TENM3: variants seen among roughly 807,000 people sequenced by gnomAD.
TENM3 encodes the protein teneurin-3.
Under a neutral mutation model 255.1 loss-of-function variants are expected in TENM3, and 63 were observed. The ratio of observed to expected loss-of-function variants is 0.25; its 90% CI spans 0.20 to 0.30. The LOEUF is 0.30. Ranked by LOEUF, TENM3 falls within the 10% of genes least tolerant of loss-of-function variation. The pLI is 1.00. For missense variants in TENM3, 2,929 were observed against 3,461.1 expected (o/e 0.85, Z 3.86); for synonymous variants, 1,306 against 1,322.3 (o/e 0.99, Z 0.27).
intron 3 of TENM3, among the ~76,000 whole-genome samples, chr4:182,567,754 T>A (rs1395406151): frequency 1.3e-5 from 2 of 150,084 alleles, no homozygotes; most frequent in Admixed American, 6.6e-5. Flanking sequence ...ATTTTTTTTT[T>A]ATATAAAACA....
the TENM3 span, among the ~76,000 whole-genome samples, chr4:181,953,257 A>G: frequency 2.8e-5 from 2 of 70,910 alleles, no homozygotes; most frequent in South Asian, 1.1e-3. Context: ...GATGATGGCC[A>G]CCACCACCAC....
intron 13 of TENM3, among the ~76,000 whole-genome samples, chr4:182,719,214 A>T (rs1307817779): frequency 6.6e-6 from 1 of 150,940 alleles, no homozygotes; most frequent in Non-Finnish European, 1.5e-5. Flanking sequence ...TGCCAAGAAT[A>T]ATACATATTA....
Position 182,799,785 on chromosome 4 carries a change from A to G in TENM3, c.7534A>G (p.Asn2512Asp), listed in dbSNP as rs777307479. 6.3e-7 allele frequency: 1 copy of G among 1,599,312 alleles called. No homozygotes were observed. Among genetic ancestry groups the G allele is most frequent in the East Asian group, 2.3e-5 (1 of 44,012 alleles). The change falls in exon 28 of 28, where the codon AAC (asparagine) becomes GAC (aspartate). Residue 2512 changes from asparagine (N) to aspartate (D), a missense_variant. Around this residue, in one of 6 missense-constraint regions of TENM3, gnomAD observed 476 missense variants for 480.1 expected, o/e 0.99. Transcript: ENST00000511685. The surrounding 1 kb of genome is among the most constrained non-coding windows in gnomAD (Gnocchi z 4.2). ...CGTCAGCCAGGGCCGCGTGCAGACC[A>G]ACGTGCTCAACATCGCCAACGAGGA... ...LAVSQGRVQT[N>D]VLNIANEDCI...
chr4:181,503,390 T>C, the TENM3 span, among the ~76,000 whole-genome samples: 1 of 152,090 alleles, frequency 6.6e-6, no homozygotes, highest in African/African-American at 2.4e-5. Context: ...AAATTAAATA[T>C]GATCATTTAT....
At chr4:181,702,119 C>G in the TENM3 span, among the ~76,000 whole-genome samples, 1 of 152,282 alleles carries the variant, frequency 6.6e-6, no homozygotes, top group South Asian at 2.1e-4. Context: ...TAACTCAACA[C>G]TGTAGGTTGT....
chr4:182,027,826 G>A, the TENM3 span, among the ~76,000 whole-genome samples: 1 of 151,684 alleles, frequency 6.6e-6, no homozygotes, highest in East Asian at 1.9e-4. Context: ...CACTTGTTCA[G>A]AATGAATAAT....
chr4:182,488,255 C>T (rs906544706), intron 3 of TENM3, among the ~76,000 whole-genome samples: 1 of 151,974 alleles, frequency 6.6e-6, no homozygotes, highest in Non-Finnish European at 1.5e-5. Context: ...AGGCTTGAAG[C>T]AATTAGCATA....
At chr4:182,075,162 T>C in the TENM3 span, among the ~76,000 whole-genome samples, 1 of 151,838 alleles carries the variant, frequency 6.6e-6, no homozygotes, top group African/African-American at 2.4e-5. Context: ...GGCAGAAATC[T>C]AGATTTGTAT....
the TENM3 span, among the ~76,000 whole-genome samples, chr4:181,511,388 G>A: frequency 6.6e-6 from 1 of 152,224 alleles, no homozygotes; most frequent in African/African-American, 2.4e-5. Flanking sequence ...TGGGTCAGCA[G>A]AAGCTGGAGT....
intron 3 of TENM3, among the ~76,000 whole-genome samples, chr4:182,568,901 C>T (rs191010724): frequency 6.6e-6 from 1 of 152,292 alleles, no homozygotes; most frequent in African/African-American, 2.4e-5. Flanking sequence ...TGTATGATTC[C>T]AGTTACTTGA....
chr4:182,754,721 A>C lies in TENM3; in HGVS notation c.4354A>C (p.Asn1452His). 1 of 1,614,056 alleles carries C rather than the reference A, an allele frequency of 6.2e-7. No homozygotes were observed. The highest frequency in any genetic ancestry group is 8.5e-7 in the Non-Finnish European group (1 of 1,179,890). Residue 1452 changes from asparagine (N) to histidine (H), a missense_variant, in exon 22 of 28, where the codon AAT becomes CAT. By Grantham distance (68) the Asn-to-His change is moderately conservative (BLOSUM62 1). This residue lies in a region of TENM3 where 1,608 missense variants were observed against 1,884.4 expected (regional missense o/e 0.85). Coordinates refer to ENST00000511685, the MANE Select transcript of TENM3 (RefSeq NM_001080477.4). The surrounding 1 kb of genome is among the most constrained non-coding windows in gnomAD (Gnocchi z 5.1). ...AGIPSECDCK[N>H]DANCDCYQSG... ...AATACCTTCAGAGTGTGACTGCAAA[A>C]ATGATGCCAACTGTGACTGTTACCA...
At chr4:181,992,198 G>C in the TENM3 span, among the ~76,000 whole-genome samples, 7 of 152,098 alleles carry the variant, frequency 4.6e-5, no homozygotes, top group African/African-American at 1.7e-4. Flanking sequence ...CAAAAGTCTC[G>C]GTACCTGAGA....
chr4:182,051,470 T>C, the TENM3 span, among the ~76,000 whole-genome samples: 31 of 149,266 alleles, frequency 2.1e-4, no homozygotes, highest in South Asian at 1.3e-3. Context: ...CTCCGCCTCC[T>C]GGGTTCACGC....
At chr4:181,629,732 G>C in the TENM3 span, among the ~76,000 whole-genome samples, 1 of 152,152 alleles carries the variant, frequency 6.6e-6, no homozygotes, top group South Asian at 2.1e-4. Flanking sequence ...GCTGGATTCG[G>C]TTTGCCAGTA....
At chr4:181,777,886 A>G in the TENM3 span, among the ~76,000 whole-genome samples, 30,592 of 152,002 alleles carry the variant, frequency 0.2, 3,813 homozygotes, top group South Asian at 0.32. Flanking sequence ...TGTAGCTGAG[A>G]CAGAATCTCA....
At chr4:182,414,973 C>T (rs187874590) in intron 3 of TENM3, among the ~76,000 whole-genome samples, 2 of 152,326 alleles carry the variant, frequency 1.3e-5, no homozygotes, top group Admixed American at 1.3e-4. Context: ...TTCACTTGTG[C>T]TACTTCGCTA....
chr4:181,461,231 C>T, the TENM3 span, among the ~76,000 whole-genome samples: 25 of 152,074 alleles, frequency 1.6e-4, no homozygotes, highest in Non-Finnish European at 2.6e-4. Flanking sequence ...TAGCTGCTGT[C>T]GCAAAGTCTA....
the TENM3 span, among the ~76,000 whole-genome samples, chr4:181,776,097 C>A: frequency 1.3e-5 from 2 of 152,124 alleles, no homozygotes; most frequent in African/African-American, 2.4e-5. Context: ...TTTTCCACTT[C>A]TGATATCTAT....
chr4:182,471,746 A>T (rs1733144570), intron 3 of TENM3, among the ~76,000 whole-genome samples: 1 of 152,140 alleles, frequency 6.6e-6, no homozygotes, highest in African/African-American at 2.4e-5. Flanking sequence ...TTAAGAAATA[A>T]TCCGAGGTGA....
Sources: gnomAD v4.1 joint callset for allele counts (sites outside exome capture counted in the v4.1 genomes callset) on GRCh38, gnomAD v4.1.1 for gene constraint, gnomAD v4.1.1 regional missense constraint, Gnocchi (gnomAD v3.1) non-coding constraint, MANE v1.5 for transcripts, NCBI Gene and HGNC (gene_info 2026-07-23, HGNC 2026-07-21) for gene names.